Variants in MAOA observed in about 807,000 individuals in gnomAD.
MAOA encodes the protein amine oxidase [flavin-containing] A.
MAOA carries 6 observed loss-of-function variants against 42.0 expected under a neutral mutation model. The observed-to-expected ratio is 0.14, with a 90% CI of 0.08 to 0.28. The LOEUF is 0.28. MAOA is among the 10% of genes least tolerant of loss of function. MAOA has a pLI of 1.00. For missense variants in MAOA, 262 were observed against 422.3 expected, an observed-to-expected ratio of 0.62 and a Z score of 3.33; for synonymous variants, 140 against 154.0, an observed-to-expected ratio of 0.91 and a Z score of 0.67.
At chrX:43,683,705 A>G (rs2033461996) in intron 2 of MAOA, 98 bp downstream of exon 2, 1 of 709,910 alleles carries the variant, frequency 1.4e-6, no homozygotes, top group African/African-American at 2.1e-5. Context: ...TTAAGAGTTC[A>G]TGCAGTTAAG....
intron 3 of MAOA, among the ~76,000 whole-genome samples, chrX:43,707,338 G>A (rs2033665902): frequency 9.0e-6 from 1 of 111,629 alleles, no homozygotes; most frequent in Admixed American, 9.5e-5. Flanking sequence ...GAGCTCATTG[G>A]TGACCATAGA....
chrX:43,688,160 G>A (rs1458287342), intron 2 of MAOA, among the ~76,000 whole-genome samples: 3 of 112,803 alleles, frequency 2.7e-5, no homozygotes, highest in Non-Finnish European at 5.6e-5. Flanking sequence ...AATAACCTCT[G>A]TAACCTCATC....
At chrX:43,720,970 G>A (rs2147098264) in intron 5 of MAOA, among the ~76,000 whole-genome samples, 1 of 111,006 alleles carries the variant, frequency 9.0e-6, no homozygotes, top group East Asian at 2.8e-4. Context: ...AGACACACTT[G>A]CTGAGGGGAG....
At chrX:43,688,328 T>C (rs1167408335) in intron 2 of MAOA, among the ~76,000 whole-genome samples, 1 of 111,750 alleles carries the variant, frequency 8.9e-6, no homozygotes. Context: ...TTGCCCAGGC[T>C]GGAGTGCAGT....
At chrX:43,688,298 C>T (rs906968542) in intron 2 of MAOA, among the ~76,000 whole-genome samples, 18 of 110,104 alleles carry the variant, frequency 1.6e-4, no homozygotes, top group Non-Finnish European at 2.5e-4. Context: ...CTTTTTTTTT[C>T]GAGACGGAGT....
At chrX:43,709,364 T>C (rs2033682571) in intron 3 of MAOA, among the ~76,000 whole-genome samples, 1 of 111,356 alleles carries the variant, frequency 9.0e-6, no homozygotes, top group Non-Finnish European at 1.9e-5. Flanking sequence ...TTTGTTGAGT[T>C]ATATTTATAA....
At chrX:43,723,322 C>T (rs1342620883) in intron 5 of MAOA, among the ~76,000 whole-genome samples, 5 of 111,728 alleles carry the variant, frequency 4.5e-5, no homozygotes, top group African/African-American at 1.3e-4. Context: ...TATCCATGAG[C>T]ATGGAATGTT....
intron 2 of MAOA, among the ~76,000 whole-genome samples, chrX:43,692,800 T>G (rs1321258403): frequency 8.9e-6 from 1 of 111,873 alleles, no homozygotes; most frequent in Non-Finnish European, 1.9e-5. Context: ...TAGTGATATG[T>G]GAATCTTTTT....
At chrX:43,710,751 A>G (rs1027677444) in intron 3 of MAOA, among the ~76,000 whole-genome samples, 7 of 112,122 alleles carry the variant, frequency 6.2e-5, no homozygotes, top group East Asian at 2.8e-4. Flanking sequence ...TGGCTGTTAC[A>G]CAATGAAATG....
chrX:43,744,471 G>A lies in MAOA; in HGVS notation c.1542G>A (p.Leu514=). Residue 514 remains leucine (L), a synonymous_variant, in exon 15 of 15, where the codon CTG becomes CTA. Coordinates refer to ENST00000338702, the MANE Select transcript of MAOA (RefSeq NM_000240.4). The stretch of plus-strand genomic sequence containing the variant: ...GATTTTCCACATCAGTAACTGCCCT[G>A]GGGTTTGTGCTGTACAAATACAAGC... ...IIGFSTSVTA[L]GFVLYKYKLL... is the part of the protein sequence containing the mutation. The A allele has an allele frequency of 8.3e-7, 1 of 1,210,451 alleles. No individual in the cohort carries two copies. The highest frequency in any genetic ancestry group is 1.1e-6 in the Non-Finnish European group (1 of 894,635).
upstream of MAOA, chrX:43,655,894 C>T (rs2033174533): frequency 5.5e-6 from 1 of 181,635 alleles, no homozygotes; most frequent in South Asian, 9.9e-5. Context: ...CACCTCTACC[C>T]AATAACATTT....
chrX:43,738,931 A>C (rs1289287828), intron 10 of MAOA, among the ~76,000 whole-genome samples: 1 of 112,259 alleles, frequency 8.9e-6, no homozygotes, highest in Non-Finnish European at 1.9e-5. Flanking sequence ...ATTGCTTGTA[A>C]CACCCTTGTG....
chrX:43,716,647 A>C (rs185692875), intron 5 of MAOA, among the ~76,000 whole-genome samples: 1 of 110,668 alleles, frequency 9.0e-6, no homozygotes, highest in East Asian at 2.9e-4. Flanking sequence ...GGGAGACAGT[A>C]AGAGTGTATG....
At chrX:43,693,989 G>A (rs1361208187) in intron 3 of MAOA, among the ~76,000 whole-genome samples, 1 of 111,790 alleles carries the variant, frequency 8.9e-6, no homozygotes, top group African/African-American at 3.3e-5. Flanking sequence ...CTCTTGGGAA[G>A]TCTAGCTTGT....
chrX:43,700,632 G>T (rs1222625861), intron 3 of MAOA, among the ~76,000 whole-genome samples: 3 of 111,912 alleles, frequency 2.7e-5, no homozygotes, highest in African/African-American at 9.8e-5. Context: ...GGCTCAGCAG[G>T]CTGAAGACCA....
chrX:43,704,691 G>A (rs2033647197), intron 3 of MAOA, among the ~76,000 whole-genome samples: 1 of 111,151 alleles, frequency 9.0e-6, no homozygotes, highest in South Asian at 3.7e-4. Context: ...TGCAGATGAT[G>A]TGATCTTGTA....
At position 43,694,937 on chromosome X, in the gene MAOA, A is replaced by G. The variant is rs777012249; in HGVS notation, c.306+1509A>G. Among the ~76,000 whole-genome samples, 3 of 112,084 alleles carry G rather than the reference A, an allele frequency of 2.7e-5. No individual in the cohort carries two copies. The East Asian group carries it at 8.4e-4, about 32-fold the overall frequency. On this transcript the variant is annotated intron_variant, in intron 3 of 14. Coordinates refer to ENST00000338702, the MANE Select transcript of MAOA (RefSeq NM_000240.4). ...GAGGTTTTTAGTTTACCTGGAGGCT[A>G]ACAATAAACAACAACTAAAAGCTTT...
chrX:43,667,719 G>A (rs2033294773), intron 1 of MAOA, among the ~76,000 whole-genome samples: 1 of 111,369 alleles, frequency 9.0e-6, no homozygotes, highest in African/African-American at 3.3e-5. Context: ...AGTGTATATT[G>A]AAAGATGACT....
At chrX:43,729,766 C>T (rs1026279040) in intron 6 of MAOA, among the ~76,000 whole-genome samples, 1 of 111,680 alleles carries the variant, frequency 9.0e-6, no homozygotes, top group Non-Finnish European at 1.9e-5. Flanking sequence ...GCATGAGCCA[C>T]CATGCCTAGC....
Sources: gnomAD v4.1 joint callset for allele counts (sites outside exome capture counted in the v4.1 genomes callset) on GRCh38, gnomAD v4.1.1 for gene constraint, MANE v1.5 for transcripts, NCBI Gene and HGNC (gene_info 2026-07-23, HGNC 2026-07-21) for gene names.